Variants in KCNQ3 observed in about 807,000 individuals in gnomAD.
The protein encoded by KCNQ3 is potassium voltage-gated channel subfamily KQT member 3.
A neutral mutation model predicts 92.5 loss-of-function variants in KCNQ3; 30 were observed. That is an observed-to-expected ratio of 0.32 (90% CI 0.24 to 0.44). The LOEUF is 0.44. Among genes scored for constraint, KCNQ3 ranks in the 20% least tolerant of loss-of-function variants. KCNQ3 has a pLI of 1.00. For missense variants in KCNQ3, 913 were observed against 1,140.3 expected (o/e 0.80, Z 2.87); for synonymous variants, 450 against 468.8 (o/e 0.96, Z 0.52).
At chr8:132,198,652 C>T (rs1262393463) in intron 1 of KCNQ3, among the ~76,000 whole-genome samples, 1 of 151,954 alleles carries the variant, frequency 6.6e-6, no homozygotes, top group Admixed American at 6.6e-5. Context: ...ACTAAACATA[C>T]AAAAATTAGC....
chr8:132,193,856 G>C (rs1057103904), intron 1 of KCNQ3, among the ~76,000 whole-genome samples: 1 of 152,218 alleles, frequency 6.6e-6, no homozygotes, highest in African/African-American at 2.4e-5. Context: ...CCTTGGAAGA[G>C]AATCTGCAGA....
intron 1 of KCNQ3, among the ~76,000 whole-genome samples, chr8:132,308,937 T>C (rs1198701128): frequency 2.0e-5 from 3 of 152,152 alleles, no homozygotes; most frequent in Non-Finnish European, 2.9e-5. Context: ...CTTGATTGGA[T>C]TGAAGGATGA....
At chr8:132,431,759 T>C (rs779423034) in intron 1 of KCNQ3, among the ~76,000 whole-genome samples, 3 of 152,200 alleles carry the variant, frequency 2.0e-5, no homozygotes, top group African/African-American at 7.2e-5. Flanking sequence ...GTTTTCATCG[T>C]TCCCGCTGGG....
chr8:132,315,495 A>G (rs1369229682), intron 1 of KCNQ3, among the ~76,000 whole-genome samples: 1 of 152,144 alleles, frequency 6.6e-6, no homozygotes, highest in African/African-American at 2.4e-5. Context: ...GGCTCGGGGA[A>G]GGGAGGAGTG....
chr8:132,325,481 G>GAGAT (rs1230482885), intron 1 of KCNQ3, among the ~76,000 whole-genome samples: 1 of 152,152 alleles, frequency 6.6e-6, no homozygotes, highest in African/African-American at 2.4e-5. Context: ...ACTGTATCTG[G>GAGAT]AGATAGGGTT....
At chr8:132,307,462 T>G (rs1036620050) in intron 1 of KCNQ3, among the ~76,000 whole-genome samples, 1 of 152,202 alleles carries the variant, frequency 6.6e-6, no homozygotes, top group African/African-American at 2.4e-5. Context: ...ACGTGGGGCT[T>G]AGTTCTTGGG....
At chr8:132,244,623 G>A (rs1815102257) in intron 1 of KCNQ3, among the ~76,000 whole-genome samples, 1 of 152,124 alleles carries the variant, frequency 6.6e-6, no homozygotes, top group South Asian at 2.1e-4. Context: ...AACATCTCAT[G>A]AACAAAATCT....
intron 1 of KCNQ3, among the ~76,000 whole-genome samples, chr8:132,444,013 AAGAGGTACCG>A (rs1821608014): frequency 6.6e-6 from 1 of 152,134 alleles, no homozygotes. Context: ...TCAGAAACCC[AAGAGGTACCG>A]AGAGGTTCAG....
intron 1 of KCNQ3, among the ~76,000 whole-genome samples, chr8:132,340,453 C>T (rs1818493545): frequency 6.6e-6 from 1 of 152,206 alleles, no homozygotes; most frequent in South Asian, 2.1e-4. Context: ...GAGTTCATTT[C>T]CTTCGCAGGG....
chr8:132,408,338 T>A (rs745382398), intron 1 of KCNQ3, among the ~76,000 whole-genome samples: 12 of 151,574 alleles, frequency 7.9e-5, no homozygotes, highest in African/African-American at 1.5e-4. Flanking sequence ...CTACATGGAG[T>A]GAGCTTCTGG....
intron 1 of KCNQ3, among the ~76,000 whole-genome samples, chr8:132,244,168 A>G (rs1329578034): frequency 6.6e-6 from 1 of 152,230 alleles, no homozygotes; most frequent in Non-Finnish European, 1.5e-5. Context: ...TTTATCCTCC[A>G]TATTTATTCA....
intron 1 of KCNQ3, among the ~76,000 whole-genome samples, chr8:132,395,233 C>T (rs544848034): frequency 1.3e-5 from 2 of 152,206 alleles, no homozygotes; most frequent in East Asian, 1.9e-4. Context: ...TGAGCATATC[C>T]ATCATCTCAA....
intron 1 of KCNQ3, among the ~76,000 whole-genome samples, chr8:132,285,635 G>A (rs372637389): frequency 8.5e-5 from 13 of 152,306 alleles, no homozygotes; most frequent in East Asian, 5.8e-4. Flanking sequence ...AATGAAGAAC[G>A]TCTTCAGGAG....
chr8:132,476,122 C>T (rs1173569318), intron 1 of KCNQ3, among the ~76,000 whole-genome samples: 2 of 152,228 alleles, frequency 1.3e-5, no homozygotes, highest in African/African-American at 4.8e-5. Context: ...GCACAGAAGA[C>T]AAGAGTTAGG....
chr8:132,413,104 T>C (rs1359453911), intron 1 of KCNQ3, among the ~76,000 whole-genome samples: 1 of 152,230 alleles, frequency 6.6e-6, no homozygotes. Context: ...TTATCTCCCA[T>C]TTCCAAGTTT....
rs1372973304 is a variant in KCNQ3, at chr8:132,126,731, T to C, written c.*2531A>G. On this transcript the variant is annotated 3_prime_UTR_variant, in exon 15 of 15. Coordinates refer to ENST00000388996, the MANE Select transcript of KCNQ3 (RefSeq NM_004519.4). ...GCAGGGAAGCTAGACTGCCTGCCTA[T>C]GGTTTAGGAAATAATACAAGCTCCA... The C allele has an allele frequency of 3.3e-5, 5 of 152,054 alleles. No homozygotes were observed. The highest frequency in any genetic ancestry group is 1.2e-4 in the African/African-American group (5 of 41,396). 9.4% of individuals were successfully genotyped at this position (152,054 alleles called of 1,614,324 possible). A position where few individuals can be genotyped will look rare whatever the true frequency, so the allele number is the denominator to read the frequency against.
intron 1 of KCNQ3, among the ~76,000 whole-genome samples, chr8:132,413,603 T>A (rs936510630): frequency 6.6e-6 from 1 of 152,164 alleles, no homozygotes; most frequent in Admixed American, 6.5e-5. Context: ...GATTGTGAAA[T>A]GAATAAATAA....
At chr8:132,210,982 C>T (rs1745165781) in intron 1 of KCNQ3, among the ~76,000 whole-genome samples, 1 of 152,200 alleles carries the variant, frequency 6.6e-6, no homozygotes, top group Admixed American at 6.5e-5. Flanking sequence ...GTCACTTTTG[C>T]ATACCTTCCC....
intron 1 of KCNQ3, among the ~76,000 whole-genome samples, chr8:132,354,562 G>A (rs1435512110): frequency 6.6e-6 from 1 of 152,212 alleles, no homozygotes; most frequent in African/African-American, 2.4e-5. Context: ...CGTATTCTGG[G>A]GTCAGCACAC....
Sources: gnomAD v4.1 joint callset for allele counts (sites outside exome capture counted in the v4.1 genomes callset) on GRCh38, gnomAD v4.1.1 for gene constraint, MANE v1.5 for transcripts, NCBI Gene and HGNC (gene_info 2026-07-23, HGNC 2026-07-21) for gene names.